The following ATG7 variants were observed in gnomAD, a reference collection of about 807,000 sequenced individuals.
ATG7 encodes the protein autophagy related 7, also known as ubiquitin-like modifier-activating enzyme ATG7.
Under a neutral mutation model 82.4 loss-of-function variants are expected in ATG7, and 70 were observed. The observed-to-expected ratio is 0.85, with a 90% confidence interval of 0.70 to 1.04. The LOEUF (loss-of-function observed/expected upper bound fraction) is 1.04, where lower values mean the gene tolerates loss of function less well. Among genes scored for constraint, ATG7 ranks in the 50% least tolerant of loss-of-function variants. The pLI, the probability that ATG7 is intolerant of heterozygous loss-of-function variation, is 0.00. For missense variants in ATG7, 792 were observed against 864.3 expected (o/e 0.92, Z 1.05); for synonymous variants, 287 against 313.0 (o/e 0.92, Z 0.88).
intron 20 of ATG7, among the ~76,000 whole-genome samples, chr3:11,513,035 C>G (rs1482853985): frequency 1.3e-5 from 2 of 152,212 alleles, no homozygotes; most frequent in African/African-American, 4.8e-5. Flanking sequence ...GGTGCATTCC[C>G]AAATCCTGAG....
the ATG7 span, chr3:11,564,875 G>C: frequency 6.2e-7 from 1 of 1,609,384 alleles, no homozygotes; most frequent in Non-Finnish European, 8.5e-7. Context: ...TGGTCAGTGC[G>C]AGGGGCTGCT....
rs773000100 is a variant in ATG7 at position 11,426,800 on chromosome 3, A to G, written c.1957-4A>G. On this transcript the variant is annotated splice_polypyrimidine_tract_variant and splice_region_variant and intron_variant, in intron 19 of 20. Transcript: ENST00000693202. ...CCTTTTTAAAAAATGTAAATGTTTT[A>G]CAGGTTCTTGATCAATATGAACGAG... 1.0e-5 allele frequency: 16 copies of G among 1,570,508 alleles called. No individual in the cohort carries two copies. The highest frequency in any genetic ancestry group is 1.4e-5 in the Non-Finnish European group (16 of 1,163,578).
At chr3:11,460,267 C>A (rs2086178460) in intron 20 of ATG7, among the ~76,000 whole-genome samples, 1 of 152,198 alleles carries the variant, frequency 6.6e-6, no homozygotes, top group African/African-American at 2.4e-5. Flanking sequence ...ACATGAGGAG[C>A]ATACATAGGC....
chr3:11,385,593 T>C (rs945159905), intron 19 of ATG7, among the ~76,000 whole-genome samples: 1 of 152,086 alleles, frequency 6.6e-6, no homozygotes, highest in Non-Finnish European at 1.5e-5. Context: ...ATCTGTTCAG[T>C]TGTGAAATGC....
intron 20 of ATG7, chr3:11,446,487 ATT>A (rs1312195147): frequency 2.3e-6 from 1 of 443,634 alleles, no homozygotes; most frequent in Non-Finnish European, 4.5e-6. Flanking sequence ...AAAATACTTT[ATT>A]GTATCTGGTT....
chr3:11,481,312 G>A (rs2088944141), intron 20 of ATG7, among the ~76,000 whole-genome samples: 1 of 152,192 alleles, frequency 6.6e-6, no homozygotes, highest in African/African-American at 2.4e-5. Context: ...GGTTATAATT[G>A]TAGGTTTTGT....
chr3:11,508,162 A>C (rs778071919), intron 20 of ATG7, among the ~76,000 whole-genome samples: 1 of 152,054 alleles, frequency 6.6e-6, no homozygotes, highest in Non-Finnish European at 1.5e-5. Context: ...AGATGTCAAC[A>C]GGAAGCATTT....
At chr3:11,458,731 G>A (rs1266625166) in intron 20 of ATG7, among the ~76,000 whole-genome samples, 1 of 152,136 alleles carries the variant, frequency 6.6e-6, no homozygotes, top group East Asian at 1.9e-4. Flanking sequence ...AAGAGAACTT[G>A]TTTCAACAAG....
chr3:11,375,893 G>GT (rs2077383457), intron 18 of ATG7, among the ~76,000 whole-genome samples: 1 of 152,192 alleles, frequency 6.6e-6, no homozygotes, highest in Non-Finnish European at 1.5e-5. Flanking sequence ...TGGAAAACAA[G>GT]TTGGCAGTTC....
intron 20 of ATG7, among the ~76,000 whole-genome samples, chr3:11,494,257 G>C (rs1000015342): frequency 1.6e-4 from 25 of 152,146 alleles, no homozygotes; most frequent in Non-Finnish European, 5.9e-5. Flanking sequence ...AATTAGGGAG[G>C]GGTAAGGAAG....
chr3:11,492,233 C>G (rs929188557), intron 20 of ATG7, among the ~76,000 whole-genome samples: 1 of 152,296 alleles, frequency 6.6e-6, no homozygotes, highest in Non-Finnish European at 1.5e-5. Flanking sequence ...TTCCAGTTGC[C>G]GTCTGTCACC....
chr3:11,523,936 C>T (rs1268609278), intron 20 of ATG7, among the ~76,000 whole-genome samples: 1 of 152,156 alleles, frequency 6.6e-6, no homozygotes, highest in Non-Finnish European at 1.5e-5. Context: ...TGGTCCCCAG[C>T]CCCAGCGCCC....
At chr3:11,335,088 C>A (rs947604524) in intron 11 of ATG7, among the ~76,000 whole-genome samples, 4 of 151,852 alleles carry the variant, frequency 2.6e-5, no homozygotes, top group African/African-American at 9.7e-5. Context: ...TTACACAATT[C>A]GCTGAAAGAT....
the ATG7 span, among the ~76,000 whole-genome samples, chr3:11,571,924 T>C: frequency 2.6e-5 from 4 of 152,154 alleles, no homozygotes; most frequent in Admixed American, 1.3e-4. Flanking sequence ...CTGGGAAACA[T>C]GGCAAAACCC....
intron 7 of ATG7, 77 bp downstream of exon 7, chr3:11,309,138 T>C: frequency 7.5e-7 from 1 of 1,334,422 alleles, no homozygotes; most frequent in East Asian, 2.3e-5. Context: ...TAGAACAGTC[T>C]GCTCTTCTCT....
chr3:11,472,437 A>AG (rs1295652119), intron 20 of ATG7, among the ~76,000 whole-genome samples: 2 of 152,138 alleles, frequency 1.3e-5, no homozygotes, highest in African/African-American at 2.4e-5. Context: ...TGGTAGAGGA[A>AG]GGGGGAACTG....
intron 9 of ATG7, among the ~76,000 whole-genome samples, chr3:11,318,712 T>A (rs1949788119): frequency 6.6e-6 from 1 of 152,226 alleles, no homozygotes; most frequent in Admixed American, 6.5e-5. Context: ...TGTCCACCAC[T>A]AGCCTCATTT....
chr3:11,322,508 T>A (rs980672318), intron 9 of ATG7, among the ~76,000 whole-genome samples: 1 of 152,234 alleles, frequency 6.6e-6, no homozygotes, highest in African/African-American at 2.4e-5. Context: ...TAGGTTTTTT[T>A]AATATACAAA....
intron 19 of ATG7, among the ~76,000 whole-genome samples, chr3:11,409,401 G>C (rs902871753): frequency 6.6e-6 from 1 of 152,246 alleles, no homozygotes; most frequent in African/African-American, 2.4e-5. Flanking sequence ...AGTACTCTAT[G>C]TTGCACTGTG....
Sources: allele counts gnomAD v4.1 joint callset (sites outside exome capture counted in the v4.1 genomes callset), GRCh38; gene constraint gnomAD v4.1.1; transcripts MANE v1.5; gene names NCBI Gene and HGNC (gene_info 2026-07-23, HGNC 2026-07-21).